The following ADCY7 variants were observed in gnomAD, a reference collection of about 807,000 sequenced individuals.
ADCY7 encodes the protein adenylate cyclase type 7.
A neutral mutation model predicts 120.6 loss-of-function variants in ADCY7; 72 were observed. The observed-to-expected ratio is 0.60, with a 90% CI of 0.49 to 0.73. ADCY7 has a LOEUF of 0.73. Ranked by LOEUF, ADCY7 falls within the 30% of genes least tolerant of loss-of-function variation. ADCY7 has a pLI of 0.00. For missense variants in ADCY7, 1,227 were observed against 1,486.0 expected, an observed-to-expected ratio of 0.83 and a Z score of 2.87; for synonymous variants, 661 against 628.0, an observed-to-expected ratio of 1.05 and a Z score of -0.78.
intron 1 of ADCY7, among the ~76,000 whole-genome samples, chr16:50,268,496 G>A (rs75967760): frequency 0.014 from 2,171 of 152,252 alleles, 53 homozygotes; most frequent in African/African-American, 0.05. Flanking sequence ...GAACTCATGA[G>A]CTCAGGCAAT....
Position 50,294,628 on chromosome 16 carries a change from C to A in ADCY7, c.837-12C>A. ...GGCTCTGACACTCCCTCCCACCCTGCCCCATCCCCAGCATCCTCTATGCGG... is the reference window on the plus strand; with the variant it reads ...GGCTCTGACACTCCCTCCCACCCTGACCCATCCCCAGCATCCTCTATGCGG... On this transcript the variant is annotated splice_polypyrimidine_tract_variant and intron_variant, in intron 6 of 25. Coordinates refer to ENST00000673801, the MANE Select transcript of ADCY7 (RefSeq NM_001114.5). The A allele has an allele frequency of 4.8e-6, 7 of 1,463,376 alleles. No homozygotes were observed. Among genetic ancestry groups the A allele is most frequent in the South Asian group, 1.2e-5 (1 of 86,510 alleles). 90.6% of individuals were successfully genotyped at this position (1,463,376 alleles called of 1,614,324 possible).
chr16:50,291,376 T>C (rs2034950479), intron 3 of ADCY7, among the ~76,000 whole-genome samples: 1 of 151,788 alleles, frequency 6.6e-6, no homozygotes, highest in Non-Finnish European at 1.5e-5. Flanking sequence ...GGGGCCGCAT[T>C]GCTGGAGGCA....
At chr16:50,264,318 G>A (rs1186882784), upstream of ADCY7, among the ~76,000 whole-genome samples, 3 of 152,194 alleles carry the variant, frequency 2.0e-5, no homozygotes, top group African/African-American at 7.2e-5. Context: ...CCTTTTTACT[G>A]CTGAGTAATT....
At chr16:50,283,215 G>A (rs1382869659) in intron 1 of ADCY7, among the ~76,000 whole-genome samples, 1 of 152,228 alleles carries the variant, frequency 6.6e-6, no homozygotes, top group Non-Finnish European at 1.5e-5. Context: ...GCTCAAACTG[G>A]CTGAAGCTGA....
intron 13 of ADCY7, 89 bp from the exon 14 acceptor site, chr16:50,305,688 C>A: frequency 6.7e-7 from 1 of 1,497,114 alleles, no homozygotes; most frequent in Non-Finnish European, 9.3e-7. Context: ...GGTGGCCCAG[C>A]CTTGTTCCTT....
intron 1 of ADCY7, among the ~76,000 whole-genome samples, chr16:50,276,385 A>G (rs2033893234): frequency 6.6e-6 from 1 of 152,060 alleles, no homozygotes; most frequent in Admixed American, 6.5e-5. Flanking sequence ...TCACTTCTGC[A>G]CCCCATGGCC....
intron 22 of ADCY7, chr16:50,313,246 G>T: frequency 2.0e-6 from 1 of 508,430 alleles, no homozygotes; most frequent in South Asian, 2.2e-5. Context: ...GCGAAACCCT[G>T]TCTCTACTGA....
intron 1 of ADCY7, among the ~76,000 whole-genome samples, chr16:50,250,783 T>C (rs1003454954): frequency 6.6e-6 from 1 of 152,158 alleles, no homozygotes; most frequent in Non-Finnish European, 1.5e-5. Flanking sequence ...CCCTTGATCT[T>C]TGGAAATTTG....
Position 50,294,671 on chromosome 16 carries a change from C to G in ADCY7, c.868C>G (p.Gln290Glu). 1 of 1,613,286 alleles carries G rather than the reference C, an allele frequency of 6.2e-7. No homozygotes were observed. The highest frequency in any genetic ancestry group is 8.5e-7 in the Non-Finnish European group (1 of 1,179,678). The change falls in exon 7 of 26, where the codon CAG (glutamine) becomes GAG (glutamate). Residue 290 changes from glutamine (Q) to glutamate (E), a missense_variant. Transcript: ENST00000673801. ...ILYADIVGFT[Q>E]LASDCSPKEL... is the part of the protein sequence containing the mutation. ...CTATGCGGACATCGTGGGCTTCACGCAGCTGGCCAGCGACTGTTCTCCCAA... is the reference window on the plus strand; with the variant it reads ...CTATGCGGACATCGTGGGCTTCACGGAGCTGGCCAGCGACTGTTCTCCCAA...
chr16:50,304,852 C>A, intron 11 of ADCY7, 73 bp from the exon 12 acceptor site: 1 of 1,598,846 alleles, frequency 6.3e-7, no homozygotes, highest in Non-Finnish European at 8.6e-7. Flanking sequence ...AGGGGCTGAA[C>A]CTGGCCCAGC....
chr16:50,312,838 C>CCT (rs377463053), intron 21 of ADCY7, 52 bp from the exon 22 acceptor site: 2 of 1,453,034 alleles, frequency 1.4e-6, no homozygotes, highest in East Asian at 2.5e-5. Context: ...TGCCACTCTT[C>CCT]CTGTCCCCTC....
At chr16:50,257,695 G>A (rs2032953933) in intron 1 of ADCY7, among the ~76,000 whole-genome samples, 1 of 150,734 alleles carries the variant, frequency 6.6e-6, no homozygotes, top group South Asian at 2.1e-4. Flanking sequence ...ACTTCCAATT[G>A]TTTTGTAAAT....
intron 17 of ADCY7, 176 bp downstream of exon 17, chr16:50,308,968 T>G: frequency 1.3e-6 from 1 of 759,170 alleles, no homozygotes; most frequent in Admixed American, 3.6e-5. Flanking sequence ...GGTTCTCAAA[T>G]GCGGACTTTG....
In ADCY7 at chr16:50,291,828, C is replaced by T. The variant is rs1261432047; in HGVS notation, c.468C>T (p.Ala156=). 13 of 1,613,952 alleles carry T rather than the reference C, an allele frequency of 8.1e-6. No individual in the cohort carries two copies. The highest frequency in any genetic ancestry group is 1.7e-5 in the Admixed American group (1 of 59,986). Reference sequence around the variant, plus strand: ...TCGCCGTTGGGGCCGTCTCCACTGCCTCCCACCTCCTGGTGCTCGGTTCTT... The same window carrying T: ...TCGCCGTTGGGGCCGTCTCCACTGCTTCCCACCTCCTGGTGCTCGGTTCTT... ...GAVAVGAVST[A]SHLLVLGSLM... The change falls in exon 4 of 26, where the codon GCC becomes GCT. Residue 156 remains alanine (A), a synonymous_variant. Transcript: ENST00000673801.
intron 8 of ADCY7, among the ~76,000 whole-genome samples, chr16:50,299,902 C>T (rs1286600076): frequency 6.6e-6 from 1 of 152,112 alleles, no homozygotes; most frequent in Non-Finnish European, 1.5e-5. Flanking sequence ...CCCTGTGCCC[C>T]AAGGAAGCTC....
chr16:50,289,699 C>G (rs371553153), intron 2 of ADCY7, among the ~76,000 whole-genome samples: 24 of 152,258 alleles, frequency 1.6e-4, no homozygotes, highest in African/African-American at 5.8e-4. Flanking sequence ...TTCCTGACCT[C>G]AGCTGATCCA....
In ADCY7 at chr16:50,313,969, GC is replaced by G; in HGVS notation, c.2766del (p.Lys923SerfsTer49). On this transcript the variant is annotated frameshift_variant, in exon 23 of 26. Coordinates refer to ENST00000673801, the MANE Select transcript of ADCY7 (RefSeq NM_001114.5). LOFTEE classifies it high-confidence loss of function. ...IADFDELLLK[P>X]KFSGVEKIKT... is the part of the protein sequence containing the mutation. ...CTTCTTGCCTGCAGCTCCTACTGAA[GC>G]CCAAGTTCAGCGGCGTGGAGAAGAT... is the stretch of plus-strand genomic sequence containing the variant. 6.2e-7 allele frequency: 1 copy of G among 1,613,760 alleles called. No individual in the cohort carries two copies. The highest frequency in any genetic ancestry group is 8.5e-7 in the Non-Finnish European group (1 of 1,179,690).
At chr16:50,304,880 A>C (rs759443607) in intron 11 of ADCY7, 45 bp from the exon 12 acceptor site, 4 of 1,613,154 alleles carry the variant, frequency 2.5e-6, no homozygotes, top group Non-Finnish European at 3.4e-6. Flanking sequence ...TTCAGGGCCC[A>C]GTGTTCTGGG....
intron 8 of ADCY7, among the ~76,000 whole-genome samples, chr16:50,299,762 C>T (rs544255048): frequency 2.0e-5 from 3 of 152,326 alleles, no homozygotes; most frequent in South Asian, 2.1e-4. Context: ...CTGTAACAGG[C>T]GGAGGTTGTA....
Sources: gnomAD v4.1 joint callset for allele counts (sites outside exome capture counted in the v4.1 genomes callset) on GRCh38, gnomAD v4.1.1 for gene constraint, MANE v1.5 for transcripts, NCBI Gene and HGNC (gene_info 2026-07-23, HGNC 2026-07-21) for gene names.